LRP5: variants seen among roughly 807,000 people sequenced by gnomAD.
The protein encoded by LRP5 is low-density lipoprotein receptor-related protein 5.
A neutral mutation model predicts 154.1 loss-of-function variants in LRP5; 62 were observed. The ratio of observed to expected loss-of-function variants is 0.40; its 90% CI spans 0.33 to 0.50. LRP5 has a LOEUF of 0.50. Among genes scored for constraint, LRP5 ranks in the 20% least tolerant of loss-of-function variants. LRP5 has a pLI of 0.55. For synonymous variants in LRP5, 966 were observed against 1,011.5 expected, an observed-to-expected ratio of 0.96 and a Z score of 0.85; for missense variants, 1,915 against 2,336.7, an observed-to-expected ratio of 0.82 and a Z score of 3.72.
At chr11:68,348,450 C>A (rs1388145992) in intron 2 of LRP5, among the ~76,000 whole-genome samples, 4 of 132,536 alleles carry the variant, frequency 3.0e-5, no homozygotes, top group African/African-American at 8.4e-5. Flanking sequence ...AGGCCTGTAA[C>A]CCCAGCACTC....
intron 5 of LRP5, among the ~76,000 whole-genome samples, chr11:68,378,096 G>A (rs1350100514): frequency 1.3e-5 from 2 of 152,210 alleles, no homozygotes; most frequent in African/African-American, 4.8e-5. Flanking sequence ...CTGCGGCTGG[G>A]TGATGAGGTG....
rs1277782950 is a variant in LRP5, at chr11:68,403,614, C to T, written c.1716C>T (p.His572=). The T allele has an allele frequency of 6.2e-7, 1 of 1,614,082 alleles. No individual in the cohort carries two copies. Among genetic ancestry groups the T allele is most frequent in the African/African-American group, 1.3e-5 (1 of 74,934 alleles). Residue 572 remains histidine, a synonymous_variant, in exon 8 of 23, where the codon CAC becomes CAT. Coordinates refer to ENST00000294304, the MANE Select transcript of LRP5 (RefSeq NM_002335.4). ...AGCGCCGCAGCATCGAGCGGGTGCA[C>T]AAGGTCAAGGCCAGCCGGGACGTCA... The part of the protein sequence containing the change: ...DWQRRSIERV[H]KVKASRDVII...
At chr11:68,312,883 GCGC>G in intron 1 of LRP5, 78 bp downstream of exon 1, 2 of 815,938 alleles carry the variant, frequency 2.5e-6, no homozygotes, top group African/African-American at 1.9e-5. Context: ...AAGTGCGCGG[GCGC>G]CGCCGCCGTC....
intron 13 of LRP5, among the ~76,000 whole-genome samples, chr11:68,422,725 C>T (rs553389912): frequency 6.6e-6 from 1 of 152,124 alleles, no homozygotes; most frequent in South Asian, 2.1e-4. Flanking sequence ...GAGTCATTCC[C>T]CACACTCACC....
At chr11:68,422,207 C>T (rs781727515) in intron 13 of LRP5, among the ~76,000 whole-genome samples, 2 of 152,158 alleles carry the variant, frequency 1.3e-5, no homozygotes, top group African/African-American at 4.8e-5. Flanking sequence ...CTCAGTTTCC[C>T]GACATTCTGG....
chr11:68,364,229 G>A (rs2098629645), intron 4 of LRP5, among the ~76,000 whole-genome samples: 1 of 151,898 alleles, frequency 6.6e-6, no homozygotes, highest in Non-Finnish European at 1.5e-5. Context: ...GTGGCAAGGG[G>A]ATTTCCAAGG....
chr11:68,299,479 G>A, the LRP5 span, among the ~76,000 whole-genome samples: 1 of 145,644 alleles, frequency 6.9e-6, no homozygotes, highest in African/African-American at 2.7e-5. Flanking sequence ...CAGTGTAGAT[G>A]GCAGGGTGGA....
rs7483989 is a variant in LRP5 at position 68,365,418 on chromosome 11, A to C, written c.884-153A>C. Among the ~76,000 whole-genome samples, 151,977 of 151,978 alleles carry C rather than the reference A, an allele frequency of 1. 75,988 individuals carry two copies. Among genetic ancestry groups the C allele is most frequent in the Non-Finnish European group, 1 (67,980 of 67,980 alleles). ...GCGATGAGGCAGGTGGAATGGTGCC[A>C]GCGGGGAGGTCCCTGATGCCACTTG... is the stretch of plus-strand genomic sequence containing the variant. On this transcript the variant is annotated intron_variant, in intron 4 of 22. Coordinates refer to ENST00000294304, the MANE Select transcript of LRP5 (RefSeq NM_002335.4).
At chr11:68,444,139 CAG>C (rs1181650384) in intron 21 of LRP5, among the ~76,000 whole-genome samples, 1 of 152,144 alleles carries the variant, frequency 6.6e-6, no homozygotes, top group East Asian at 1.9e-4. Context: ...AGAATTTGAA[CAG>C]AGAAAGTTCC....
chr11:68,302,609 C>T, the LRP5 span, among the ~76,000 whole-genome samples: 1 of 152,184 alleles, frequency 6.6e-6, no homozygotes, highest in Non-Finnish European at 1.5e-5. Flanking sequence ...GAGAATCTAA[C>T]AGCGGAGTGG....
intron 7 of LRP5, among the ~76,000 whole-genome samples, chr11:68,394,753 C>T (rs1010549377): frequency 7.9e-5 from 12 of 152,134 alleles, no homozygotes; most frequent in African/African-American, 2.2e-4. Context: ...CGTGAGCCAC[C>T]GCGCCCGGCC....
chr11:68,402,994 C>T (rs1017853099), intron 7 of LRP5, among the ~76,000 whole-genome samples: 4 of 152,170 alleles, frequency 2.6e-5, no homozygotes, highest in Non-Finnish European at 4.4e-5. Flanking sequence ...GCCTGGAATC[C>T]CAGCACTTTG....
At chr11:68,359,011 C>T (rs1368849673) in intron 3 of LRP5, among the ~76,000 whole-genome samples, 8 of 152,238 alleles carry the variant, frequency 5.3e-5, no homozygotes, top group Non-Finnish European at 1.2e-4. Context: ...CCCACATGAA[C>T]AGACTTGAGG....
intron 9 of LRP5, among the ~76,000 whole-genome samples, chr11:68,409,025 G>T (rs1170252842): frequency 7.9e-6 from 1 of 126,042 alleles, no homozygotes; most frequent in Non-Finnish European, 1.6e-5. Context: ...ACTCCAACCT[G>T]AGCGACAGAG....
intron 8 of LRP5, 94 bp from the exon 9 acceptor site, chr11:68,406,430 T>C (rs1591288290): frequency 7.5e-7 from 1 of 1,337,566 alleles, no homozygotes. Flanking sequence ...CTGAGCTGTG[T>C]GGCTCACGGC....
rs2098675334 is a variant in LRP5 at position 68,436,933 on chromosome 11, G to A, written c.4045G>A (p.Val1349Ile). The change falls in exon 19 of 23, where the codon GTC (valine) becomes ATC (isoleucine). Residue 1349 changes from valine to isoleucine, a missense_variant. Transcript: ENST00000294304. ...NQFRCASGQC[V>I]LIKQQCDSFP... ...GTTCCGGTGTGCGAGCGGCCAGTGT[G>A]TCCTCATCAAACAGCAGTGCGACTC... 1.2e-6 allele frequency: 2 copies of A among 1,613,942 alleles called. No homozygotes were observed. The highest frequency in any genetic ancestry group is 1.3e-5 in the African/African-American group (1 of 75,060).
chr11:68,323,000 C>G lies in LRP5; in HGVS notation c.91+10195C>G, dbSNP rs543382558. ...GGGGCTTGGGCATTTGCAGCCTTCA[C>G]TTGGCATTCTTACCATTTTCAGGAA... On this transcript the variant is annotated intron_variant, in intron 1 of 22. Transcript: ENST00000294304. 1.1e-4 allele frequency among the ~76,000 whole-genome samples: 16 copies of G among 152,340 alleles called. No homozygotes were observed. The East Asian group carries it at 3.1e-3, about 29-fold the overall frequency.
At chr11:68,363,708 C>T (rs1417299916) in intron 3 of LRP5, 39 bp from the exon 4 acceptor site, 6 of 1,554,866 alleles carry the variant, frequency 3.9e-6, no homozygotes, top group East Asian at 2.3e-5. Flanking sequence ...GTCGGGGGAC[C>T]CTCCTGATGG....
intron 18 of LRP5, among the ~76,000 whole-genome samples, 186 bp from the exon 19 acceptor site, chr11:68,436,703 G>T (rs1429962550): frequency 6.6e-6 from 1 of 152,238 alleles, no homozygotes; most frequent in Non-Finnish European, 1.5e-5. Flanking sequence ...TCCCCTGCGT[G>T]GCATAGGCCT....
Sources: allele counts gnomAD v4.1 joint callset (sites outside exome capture counted in the v4.1 genomes callset), GRCh38; gene constraint gnomAD v4.1.1; transcripts MANE v1.5; gene names NCBI Gene and HGNC (gene_info 2026-07-23, HGNC 2026-07-21).